ESRRG: variants seen among roughly 807,000 people sequenced by gnomAD.
The protein encoded by ESRRG is estrogen related receptor gamma.
Under a neutral mutation model 44.0 loss-of-function variants are expected in ESRRG, and 13 were observed. That is an observed-to-expected ratio of 0.30 (90% CI 0.19 to 0.47). ESRRG has a LOEUF of 0.47. Ranked by LOEUF, ESRRG falls within the 20% of genes least tolerant of loss-of-function variation. The pLI is 1.00. For synonymous variants in ESRRG, 215 were observed against 214.6 expected (o/e 1.00, Z -0.02); for missense variants, 395 against 580.6 (o/e 0.68, Z 3.29).
chr1:216,805,719 A>G (rs2094769072), intron 2 of ESRRG, among the ~76,000 whole-genome samples: 1 of 151,256 alleles, frequency 6.6e-6, no homozygotes, highest in East Asian at 1.9e-4. Flanking sequence ...CTGTTAGAAC[A>G]CTGTTTTGTA....
chr1:216,790,447 A>AGG (rs1409357675), intron 2 of ESRRG, among the ~76,000 whole-genome samples: 1 of 152,168 alleles, frequency 6.6e-6, no homozygotes, highest in Non-Finnish European at 1.5e-5. Context: ...TAAAAGATAA[A>AGG]CTAATATAGG....
intron 5 of ESRRG, among the ~76,000 whole-genome samples, chr1:216,532,092 C>T (rs1286713505): frequency 4.0e-5 from 6 of 150,840 alleles, no homozygotes; most frequent in Non-Finnish European, 8.8e-5. Flanking sequence ...ACTCTTCTGT[C>T]TACAACAGTC....
At chr1:216,837,132 G>A (rs1006113115) in intron 2 of ESRRG, among the ~76,000 whole-genome samples, 5 of 151,608 alleles carry the variant, frequency 3.3e-5, no homozygotes, top group Admixed American at 6.6e-5. Context: ...CTTTTAGGCC[G>A]GGCAAGGTGG....
intron 5 of ESRRG, among the ~76,000 whole-genome samples, chr1:216,529,910 G>A (rs554809145): frequency 1.4e-4 from 22 of 151,904 alleles, no homozygotes; most frequent in Admixed American, 6.6e-4. Flanking sequence ...TCAGGAGCTC[G>A]AGACCAGCCT....
At chr1:216,989,983 T>C (rs1176810538) in intron 1 of ESRRG, among the ~76,000 whole-genome samples, 1 of 152,174 alleles carries the variant, frequency 6.6e-6, no homozygotes, top group Admixed American at 6.5e-5. Context: ...ATAATGTGTC[T>C]TAGCTGAGAT....
chr1:217,074,358 T>G (rs560127739), intron 1 of ESRRG, among the ~76,000 whole-genome samples: 1 of 151,770 alleles, frequency 6.6e-6, no homozygotes, highest in East Asian at 2.0e-4. Context: ...CATGAATCCC[T>G]TTAAATGTCC....
intron 2 of ESRRG, among the ~76,000 whole-genome samples, chr1:216,845,939 T>C (rs983074356): frequency 3.9e-5 from 6 of 152,272 alleles, no homozygotes; most frequent in African/African-American, 1.4e-4. Context: ...TGCGTTTCTA[T>C]TGCACCAAGA....
At chr1:216,619,547 A>C (rs1249223905) in intron 3 of ESRRG, among the ~76,000 whole-genome samples, 1 of 152,110 alleles carries the variant, frequency 6.6e-6, no homozygotes, top group Non-Finnish European at 1.5e-5. Context: ...GAAGGGCAGT[A>C]TTTTTTTCTC....
intron 1 of ESRRG, among the ~76,000 whole-genome samples, chr1:216,711,249 C>A (rs1166747901): frequency 6.6e-6 from 1 of 152,116 alleles, no homozygotes; most frequent in Non-Finnish European, 1.5e-5. Flanking sequence ...GCTCTGGGAT[C>A]ATTTTATTAC....
At chr1:216,515,983 T>C (rs955961257) in intron 6 of ESRRG, among the ~76,000 whole-genome samples, 3 of 152,052 alleles carry the variant, frequency 2.0e-5, no homozygotes, top group African/African-American at 7.2e-5. Flanking sequence ...AAATTAATTA[T>C]AGAATCATAG....
chr1:217,090,811 T>A (rs1260141867), upstream of ESRRG, among the ~76,000 whole-genome samples: 3 of 152,076 alleles, frequency 2.0e-5, no homozygotes, highest in African/African-American at 7.2e-5. Flanking sequence ...GCAGGAAAAC[T>A]TTTTTTTAAT....
intron 1 of ESRRG, among the ~76,000 whole-genome samples, chr1:217,004,786 A>G (rs1217687418): frequency 6.6e-6 from 1 of 152,190 alleles, no homozygotes; most frequent in African/African-American, 2.4e-5. Context: ...CATTATATAT[A>G]TAGTGCCTGT....
intron 1 of ESRRG, among the ~76,000 whole-genome samples, chr1:216,992,557 G>A (rs1318768878): frequency 6.6e-6 from 1 of 152,156 alleles, no homozygotes; most frequent in Non-Finnish European, 1.5e-5. Context: ...GTATTAATGG[G>A]GGAGAAAGTT....
chr1:216,537,313 C>A (rs575430444), intron 5 of ESRRG, among the ~76,000 whole-genome samples: 1 of 152,080 alleles, frequency 6.6e-6, no homozygotes, highest in African/African-American at 2.4e-5. Flanking sequence ...ACTGAATGTG[C>A]CAGCACCTTG....
intron 2 of ESRRG, among the ~76,000 whole-genome samples, chr1:216,865,567 T>C (rs2096140767): frequency 6.6e-6 from 1 of 152,182 alleles, no homozygotes; most frequent in Non-Finnish European, 1.5e-5. Context: ...GAAAACTTTG[T>C]TACAGTTAAA....
At chr1:216,798,760 T>A (rs906623527) in intron 2 of ESRRG, among the ~76,000 whole-genome samples, 2 of 152,128 alleles carry the variant, frequency 1.3e-5, no homozygotes, top group Non-Finnish European at 2.9e-5. Flanking sequence ...TGATCTTAGC[T>A]GAGTGAACTA....
At chr1:216,790,432 A>C (rs1009056971) in intron 2 of ESRRG, among the ~76,000 whole-genome samples, 2 of 152,134 alleles carry the variant, frequency 1.3e-5, no homozygotes, top group African/African-American at 4.8e-5. Flanking sequence ...GCTTTCATAC[A>C]AACATAAAAG....
intron 2 of ESRRG, among the ~76,000 whole-genome samples, chr1:216,667,459 G>A (rs908777001): frequency 6.6e-6 from 1 of 151,998 alleles, no homozygotes; most frequent in Non-Finnish European, 1.5e-5. Context: ...ACCAAGGCGG[G>A]TGGATCACCT....
intron 5 of ESRRG, among the ~76,000 whole-genome samples, chr1:216,563,845 T>C (rs1573051235): frequency 1.3e-5 from 2 of 152,222 alleles, no homozygotes; most frequent in Admixed American, 6.5e-5. Context: ...GTTGGGAAAA[T>C]AGTACATTAG....
Sources: gnomAD v4.1 joint callset for allele counts (sites outside exome capture counted in the v4.1 genomes callset) on GRCh38, gnomAD v4.1.1 for gene constraint, MANE v1.5 for transcripts, NCBI Gene and HGNC (gene_info 2026-07-23, HGNC 2026-07-21) for gene names.